Variants in RGS12 observed in about 807,000 individuals in gnomAD.
The protein encoded by RGS12 is regulator of G-protein signaling 12.
A neutral mutation model predicts 120.1 loss-of-function variants in RGS12; 66 were observed. The ratio of observed to expected loss-of-function variants is 0.55; its 90% CI spans 0.45 to 0.67. The LOEUF is 0.67. Among genes scored for constraint, RGS12 ranks in the 30% least tolerant of loss-of-function variants. RGS12 has a pLI of 0.00. For synonymous variants in RGS12, 827 were observed against 804.7 expected, an observed-to-expected ratio of 1.03 and a Z score of -0.47; for missense variants, 1,859 against 1,957.7, an observed-to-expected ratio of 0.95 and a Z score of 0.95.
chr4:3,405,367 A>G (rs1045314541), intron 4 of RGS12, among the ~76,000 whole-genome samples: 3 of 152,234 alleles, frequency 2.0e-5, no homozygotes, highest in Non-Finnish European at 1.5e-5. Flanking sequence ...GGGACACCGC[A>G]TGGCTTCCAG....
chr4:3,390,556 C>T lies in RGS12; in HGVS notation c.2020+4119C>T, dbSNP rs934589884. On this transcript the variant is annotated intron_variant, in intron 4 of 17. Transcript: ENST00000336727. The surrounding 1 kb of genome is among the most constrained non-coding windows in gnomAD (Gnocchi z 4.6). ...TGTGTGACTGGTGTTGCGGGGTGGA[C>T]CCACTGCCGCCGCCTCCTCCTGGGC... Among the ~76,000 whole-genome samples the T allele has an allele frequency of 1.1e-4, 16 of 152,236 alleles. No individual in the cohort carries two copies. Among genetic ancestry groups the T allele is most frequent in the Non-Finnish European group, 8.8e-5 (6 of 68,034 alleles).
In RGS12 at chr4:3,390,570, C is replaced by G. The variant is rs1719382007; in HGVS notation, c.2020+4133C>G. On this transcript the variant is annotated intron_variant, in intron 4 of 17. Coordinates refer to ENST00000336727, the MANE Select transcript of RGS12 (RefSeq NM_001394154.1). The surrounding 1 kb of genome is among the most constrained non-coding windows in gnomAD (Gnocchi z 4.6). Reference sequence around the variant, plus strand: ...TGCGGGGTGGACCCACTGCCGCCGCCTCCTCCTGGGCTGCTCTGCGCGCCT... The same window carrying G: ...TGCGGGGTGGACCCACTGCCGCCGCGTCCTCCTGGGCTGCTCTGCGCGCCT... Among the ~76,000 whole-genome samples the G allele has an allele frequency of 6.6e-6, 1 of 152,286 alleles. No homozygotes were observed. The highest frequency in any genetic ancestry group is 2.4e-5 in the African/African-American group (1 of 41,482).
chr4:3,312,749 G>A (rs1016237080), intron 1 of RGS12: 13 of 216,244 alleles, frequency 6.0e-5, no homozygotes, highest in Middle Eastern at 1.8e-3. Context: ...TGGGATGAAT[G>A]TGGAGATGGT....
At chr4:3,393,720 T>C (rs899432942) in intron 4 of RGS12, among the ~76,000 whole-genome samples, 3 of 152,246 alleles carry the variant, frequency 2.0e-5, no homozygotes, top group Non-Finnish European at 4.4e-5. Flanking sequence ...TTCTACTGTC[T>C]GGCAGGAGGG....
In RGS12 at chr4:3,430,858, G is replaced by A. The variant is rs1363136613; in HGVS notation, c.4017G>A (p.Glu1339=). Residue 1339 remains glutamate, a synonymous_variant, in exon 17 of 18, where the codon GAG becomes GAA. Transcript: ENST00000336727. The part of the protein sequence containing the change: ...IQTVEDEHVA[E]LTLMGEGDIS... ...CGGTGGAGGATGAGCACGTGGCCGA[G>A]CTGACCCTGATGGGGGAGGGGGACA... The A allele has an allele frequency of 5.0e-6, 8 of 1,612,048 alleles. No homozygotes were observed. The highest frequency in any genetic ancestry group is 6.8e-6 in the Non-Finnish European group (8 of 1,179,688).
At chr4:3,379,207 C>T (rs747184169) in intron 3 of RGS12, among the ~76,000 whole-genome samples, 39 of 152,022 alleles carry the variant, frequency 2.6e-4, no homozygotes, top group Non-Finnish European at 5.1e-4. Flanking sequence ...CAGTGCCTGG[C>T]GGTAGTGGTG....
At chr4:3,309,559 G>GA (rs1305400441) in intron 1 of RGS12, among the ~76,000 whole-genome samples, 1 of 117,018 alleles carries the variant, frequency 8.5e-6, no homozygotes, top group Non-Finnish European at 1.8e-5. Flanking sequence ...TGGGGCCTGG[G>GA]AATGGCAGGT....
Position 3,414,105 on chromosome 4 carries a change from G to T in RGS12, c.2054G>T (p.Ser685Ile). ...LTGADLKDCVSNNSLSSNASL... is the reference protein window; with the variant it reads ...LTGADLKDCVINNSLSSNASL... ...GGCGCCGACCTGAAGGACTGCGTCA[G>T]CAACAACAGCCTGAGCAGCAATGCC... The change falls in exon 5 of 18, where the codon AGC becomes ATC. Residue 685 changes from serine to isoleucine, a missense_variant. By Grantham distance (142) the Ser-to-Ile change is moderately radical. Around this residue, in one of 3 missense-constraint regions of RGS12, gnomAD observed 967 missense variants for 994.2 expected, o/e 0.97. Transcript: ENST00000336727. 6.4e-7 allele frequency: 1 copy of T among 1,573,524 alleles called. No homozygotes were observed.
chr4:3,384,311 C>T (rs10049879), intron 3 of RGS12, among the ~76,000 whole-genome samples: 7,641 of 151,836 alleles, frequency 0.05, 613 homozygotes, highest in African/African-American at 0.17. Flanking sequence ...TCTGCTTCCA[C>T]GCTCGGCTAA....
At chr4:3,424,033 A>G (rs1723337761) in intron 13 of RGS12, among the ~76,000 whole-genome samples, 1 of 152,254 alleles carries the variant, frequency 6.6e-6, no homozygotes, top group African/African-American at 2.4e-5. Context: ...CCCCCAGTGC[A>G]CGGTCACATG....
chr4:3,431,824 GC>G, intron 17 of RGS12: 4 of 985,690 alleles, frequency 4.1e-6, no homozygotes, highest in Non-Finnish European at 4.8e-6. Context: ...TCCGTCCTGT[GC>G]CCTGGTCCAG....
In RGS12 at chr4:3,389,390, C is replaced by T. The variant is rs1419683740; in HGVS notation, c.2020+2953C>T. ...TAGAGAGGCTTAGCAGGGGAATGGT[C>T]TGCCTTGTGGGAAGTTATTCAGACA... is the stretch of plus-strand genomic sequence containing the variant. On this transcript the variant is annotated intron_variant, in intron 4 of 17. Coordinates refer to ENST00000336727, the MANE Select transcript of RGS12 (RefSeq NM_001394154.1). This position sits in a 1 kb window ranked among gnomAD's most constrained non-coding sequence, Gnocchi z 5.2. Among the ~76,000 whole-genome samples, 1 of 152,134 alleles carries T rather than the reference C, an allele frequency of 6.6e-6. No individual in the cohort carries two copies. Among genetic ancestry groups the T allele is most frequent in the Admixed American group, 6.5e-5 (1 of 15,284 alleles).
chr4:3,353,077 G>A (rs893495318), intron 3 of RGS12, among the ~76,000 whole-genome samples: 2 of 152,290 alleles, frequency 1.3e-5, no homozygotes, highest in African/African-American at 2.4e-5. Context: ...CAAGGCCTCC[G>A]GCGTACTTTC....
rs1717367436 is a variant in RGS12 at position 3,374,154 on chromosome 4, G to A, written c.1999-12262G>A. Among the ~76,000 whole-genome samples the A allele has an allele frequency of 6.6e-6, 1 of 152,236 alleles. No homozygotes were observed. The highest frequency in any genetic ancestry group is 1.5e-5 in the Non-Finnish European group (1 of 68,034). The stretch of plus-strand genomic sequence containing the variant: ...CCTGTCTCCGTTGGGCGGATGTGGA[G>A]GCTGGTTGAGGTTCCTTGCAACGCT... On this transcript the variant is annotated intron_variant, in intron 3 of 17. Coordinates refer to ENST00000336727, the MANE Select transcript of RGS12 (RefSeq NM_001394154.1). The surrounding 1 kb of genome is among the most constrained non-coding windows in gnomAD (Gnocchi z 6.3).
At chr4:3,418,845 C>G (rs540928583) in intron 9 of RGS12, 1 of 151,988 alleles carries the variant, frequency 6.6e-6, no homozygotes, top group Non-Finnish European at 1.5e-5. Context: ...TCCATCCACT[C>G]GTGCCCATCC....
rs934069235 is a variant in RGS12, at chr4:3,317,817, A to G, written c.1647A>G (p.Gly549=). The change falls in exon 2 of 18, where the codon GGA becomes GGG. Residue 549 remains glycine, a synonymous_variant. Coordinates refer to ENST00000336727, the MANE Select transcript of RGS12 (RefSeq NM_001394154.1). ...PVHVLREWQC[G]HTSDQDSYTD... is the part of the protein sequence containing the mutation. ...ACGTGCTCCGGGAGTGGCAGTGCGG[A>G]CACACCAGCGACCAGGACTCTTACA... is the stretch of plus-strand genomic sequence containing the variant. The G allele has an allele frequency of 1.9e-6, 3 of 1,613,042 alleles. No individual in the cohort carries two copies. Among genetic ancestry groups the G allele is most frequent in the Non-Finnish European group, 2.5e-6 (3 of 1,179,726 alleles).
rs1282922491 is a variant in RGS12 at position 3,433,745 on chromosome 4, G to A, written c.4114+2790G>A. On this transcript the variant is annotated intron_variant, in intron 17 of 17. Transcript: ENST00000336727. The surrounding 1 kb of genome is among the most constrained non-coding windows in gnomAD (Gnocchi z 4.4). ...ACCGCCCCATGCTTCTAGCCCCAGCGCCACACGCCACGCGGCACTCCACCC... is the reference window on the plus strand; with the variant it reads ...ACCGCCCCATGCTTCTAGCCCCAGCACCACACGCCACGCGGCACTCCACCC... Among the ~76,000 whole-genome samples the A allele has an allele frequency of 2.0e-5, 3 of 151,334 alleles. No homozygotes were observed. The highest frequency in any genetic ancestry group is 6.6e-5 in the Admixed American group (1 of 15,222).
chr4:3,413,856 G>A (rs1288942273), intron 4 of RGS12: 4 of 536,956 alleles, frequency 7.4e-6, no homozygotes, highest in African/African-American at 5.6e-5. Flanking sequence ...ATGTGCAGCC[G>A]CTCAAGGTTG....
intron 1 of RGS12, among the ~76,000 whole-genome samples, chr4:3,303,599 G>C (rs1374799851): frequency 5.3e-5 from 8 of 152,186 alleles, no homozygotes. Flanking sequence ...CCTGGTAGTG[G>C]GGGGAACAAG....
Sources: gnomAD v4.1 joint callset for allele counts (sites outside exome capture counted in the v4.1 genomes callset) on GRCh38, gnomAD v4.1.1 for gene constraint, gnomAD v4.1.1 regional missense constraint, Gnocchi (gnomAD v3.1) non-coding constraint, MANE v1.5 for transcripts, NCBI Gene and HGNC (gene_info 2026-07-23, HGNC 2026-07-21) for gene names.